The following ABCD2 variants were observed in gnomAD, a reference collection of about 807,000 sequenced individuals.
ABCD2 encodes the protein ATP binding cassette subfamily D member 2.
A neutral mutation model predicts 70.9 loss-of-function variants in ABCD2; 36 were observed. The ratio of observed to expected loss-of-function variants is 0.51; its 90% CI spans 0.39 to 0.67. The LOEUF is 0.67. ABCD2 is among the 30% of genes least tolerant of loss of function. The probability of loss-of-function intolerance (pLI) is 0.00; values close to 1 mark genes in which losing one functional copy is unlikely to be tolerated. For missense variants in ABCD2, 729 were observed against 890.2 expected (o/e 0.82, Z 2.30); for synonymous variants, 304 against 306.9 (o/e 0.99, Z 0.10).
downstream of ABCD2, among the ~76,000 whole-genome samples, chr12:39,545,104 A>T (rs1941013908): frequency 6.6e-6 from 1 of 152,210 alleles, no homozygotes; most frequent in African/African-American, 2.4e-5. Context: ...TCTAGTCCCC[A>T]TTTTTATTAA....
At chr12:39,585,901 A>G (rs983555974) in intron 7 of ABCD2, among the ~76,000 whole-genome samples, 11 of 152,152 alleles carry the variant, frequency 7.2e-5, no homozygotes, top group African/African-American at 1.9e-4. Flanking sequence ...AATATAAAAG[A>G]AAAAAACTGT....
chr12:39,574,833 A>G (rs1941494615), intron 8 of ABCD2, among the ~76,000 whole-genome samples: 1 of 152,192 alleles, frequency 6.6e-6, no homozygotes, highest in South Asian at 2.1e-4. Flanking sequence ...TTGCCTTGTA[A>G]GTTACTGTCC....
intron 9 of ABCD2, among the ~76,000 whole-genome samples, chr12:39,567,944 A>C (rs1490695761): frequency 1.3e-5 from 2 of 151,974 alleles, no homozygotes; most frequent in Admixed American, 6.6e-5. Context: ...AAGAATGTTG[A>C]ATATTGGCCC....
At position 39,619,419 on chromosome 12, in the gene ABCD2, A is replaced by G. The variant is rs780438298; in HGVS notation, c.197T>C (p.Leu66Pro). 1.2e-6 allele frequency: 2 copies of G among 1,614,096 alleles called. No homozygotes were observed. The highest frequency in any genetic ancestry group is 1.7e-5 in the Admixed American group (1 of 60,008). ...AYPAAENTEILHCTETICEKP... is the reference protein window; with the variant it reads ...AYPAAENTEIPHCTETICEKP... The stretch of plus-strand genomic sequence containing the variant: ...TTCACAAATGGTCTCGGTGCAATGC[A>G]GTATTTCTGTGTTCTCTGCAGCAGG... The change falls in exon 1 of 10, where the codon CTG (leucine) becomes CCG (proline). Residue 66 changes from leucine (L) to proline (P), a missense_variant. Leu to Pro is a moderately conservative substitution (Grantham distance 98, BLOSUM62 -3). Around this residue, in one of 3 missense-constraint regions of ABCD2, gnomAD observed 245 missense variants for 261.2 expected, o/e 0.94. Transcript: ENST00000308666.
At chr12:39,532,839 A>G in the ABCD2 span, among the ~76,000 whole-genome samples, 1 of 152,194 alleles carries the variant, frequency 6.6e-6, no homozygotes, top group African/African-American at 2.4e-5. Flanking sequence ...AAACAGAAGT[A>G]AATAAATTCT....
At chr12:39,565,469 A>G (rs1392295883) in intron 9 of ABCD2, among the ~76,000 whole-genome samples, 1 of 152,176 alleles carries the variant, frequency 6.6e-6, no homozygotes, top group Non-Finnish European at 1.5e-5. Flanking sequence ...TGATTTTTGC[A>G]TATCGATTTT....
intron 5 of ABCD2, among the ~76,000 whole-genome samples, chr12:39,601,906 A>G (rs1053069683): frequency 6.6e-6 from 1 of 152,014 alleles, no homozygotes; most frequent in South Asian, 2.1e-4. Flanking sequence ...AATGATTTTT[A>G]AAAAATCATA....
chr12:39,588,789 T>C (rs559242843), intron 6 of ABCD2, among the ~76,000 whole-genome samples: 51 of 152,042 alleles, frequency 3.4e-4, no homozygotes, highest in Admixed American at 5.2e-4. Context: ...TGGCATTCTT[T>C]AAAAATATCA....
the ABCD2 span, among the ~76,000 whole-genome samples, chr12:39,534,760 G>GAGAA: frequency 0.051 from 5,823 of 113,142 alleles, 347 homozygotes; most frequent in African/African-American, 0.14. Context: ...AAGAAAGAAA[G>GAGAA]AGAAAGAAAG....
At chr12:39,611,503 T>G (rs1942044445) in intron 2 of ABCD2, among the ~76,000 whole-genome samples, 1 of 152,160 alleles carries the variant, frequency 6.6e-6, no homozygotes, top group South Asian at 2.1e-4. Context: ...TTGACAAATC[T>G]TGACAAAATT....
At chr12:39,595,830 T>C (rs1360539168) in intron 6 of ABCD2, among the ~76,000 whole-genome samples, 1 of 152,240 alleles carries the variant, frequency 6.6e-6, no homozygotes, top group Admixed American at 6.5e-5. Context: ...AGAAGTAATT[T>C]AGCACATAAA....
At chr12:39,531,861 G>A in the ABCD2 span, among the ~76,000 whole-genome samples, 15 of 152,362 alleles carry the variant, frequency 9.8e-5, no homozygotes, top group Admixed American at 6.5e-4. Flanking sequence ...CGCAAATGCC[G>A]CCCAGGGGCG....
chr12:39,587,421 C>G (rs931821168), intron 6 of ABCD2, among the ~76,000 whole-genome samples: 8 of 152,154 alleles, frequency 5.3e-5, no homozygotes, highest in African/African-American at 1.9e-4. Flanking sequence ...TGCCTGATGT[C>G]TACCCACTAG....
chr12:39,588,894 G>T (rs1279835025), intron 6 of ABCD2, among the ~76,000 whole-genome samples: 1 of 152,150 alleles, frequency 6.6e-6, no homozygotes, highest in Admixed American at 6.5e-5. Flanking sequence ...CATGACAATG[G>T]ATTGGGAAAA....
At chr12:39,614,610 A>T (rs923638725) in intron 2 of ABCD2, among the ~76,000 whole-genome samples, 2 of 151,848 alleles carry the variant, frequency 1.3e-5, no homozygotes, top group South Asian at 4.1e-4. Context: ...AACATAAGGG[A>T]CAAACTAAAG....
intron 6 of ABCD2, among the ~76,000 whole-genome samples, chr12:39,591,152 G>T (rs886833354): frequency 6.6e-6 from 1 of 152,054 alleles, no homozygotes; most frequent in Non-Finnish European, 1.5e-5. Flanking sequence ...AATCTGAAAG[G>T]CATAAAATTT....
chr12:39,613,684 T>C (rs1317969861), intron 2 of ABCD2, among the ~76,000 whole-genome samples: 1 of 152,182 alleles, frequency 6.6e-6, no homozygotes, highest in Non-Finnish European at 1.5e-5. Context: ...TCTGGAGTTA[T>C]ATAACGCCCT....
At chr12:39,610,245 A>G (rs1942027179) in intron 2 of ABCD2, among the ~76,000 whole-genome samples, 1 of 152,194 alleles carries the variant, frequency 6.6e-6, no homozygotes, top group African/African-American at 2.4e-5. Flanking sequence ...CCATGAGTTC[A>G]TGGAGATGTT....
At chr12:39,570,934 G>T (rs762535659) in intron 9 of ABCD2, among the ~76,000 whole-genome samples, 1 of 152,104 alleles carries the variant, frequency 6.6e-6, no homozygotes, top group Non-Finnish European at 1.5e-5. Context: ...ATGGACAGAA[G>T]ATCTGAATGA....
Sources: allele counts gnomAD v4.1 joint callset (sites outside exome capture counted in the v4.1 genomes callset), GRCh38; gene constraint gnomAD v4.1.1; regional missense constraint gnomAD v4.1.1; transcripts MANE v1.5; gene names NCBI Gene and HGNC (gene_info 2026-07-23, HGNC 2026-07-21).